ZFAND3: variants seen among roughly 807,000 people sequenced by gnomAD.
The protein encoded by ZFAND3 is zinc finger AN1-type containing 3.
ZFAND3 carries 10 observed loss-of-function variants against 29.6 expected under a neutral mutation model. That is an observed-to-expected ratio of 0.34 (90% CI 0.21 to 0.57). The LOEUF (loss-of-function observed/expected upper bound fraction) is 0.57, where lower values mean the gene tolerates loss of function less well. Ranked by LOEUF, ZFAND3 falls within the 20% of genes least tolerant of loss-of-function variation. ZFAND3 has a pLI of 0.86. For missense variants in ZFAND3, 230 were observed against 304.5 expected (o/e 0.76, Z 1.82); for synonymous variants, 128 against 112.6 (o/e 1.14, Z -0.87).
At chr6:37,967,805 A>G (rs534953217) in intron 2 of ZFAND3, among the ~76,000 whole-genome samples, 6 of 152,036 alleles carry the variant, frequency 3.9e-5, no homozygotes, top group South Asian at 2.1e-4. Context: ...TCTCCCCTTC[A>G]TGGATGTCCT....
intron 2 of ZFAND3, among the ~76,000 whole-genome samples, chr6:37,983,581 A>G (rs1762616076): frequency 6.7e-6 from 1 of 150,210 alleles, no homozygotes. Context: ...CTGGTCTTGA[A>G]CTCCCGACCT....
intron 1 of ZFAND3, among the ~76,000 whole-genome samples, chr6:37,869,298 G>A (rs1330416681): frequency 6.6e-6 from 1 of 152,006 alleles, no homozygotes; most frequent in Non-Finnish European, 1.5e-5. Context: ...CGAGTAGCTG[G>A]GATTACAGGC....
intron 2 of ZFAND3, among the ~76,000 whole-genome samples, chr6:37,960,774 C>T (rs909507220): frequency 1.3e-5 from 2 of 152,094 alleles, no homozygotes; most frequent in African/African-American, 2.4e-5. Context: ...CCACTCCTTT[C>T]CCTACCCCTT....
At chr6:38,047,158 A>G (rs142744839) in intron 2 of ZFAND3, among the ~76,000 whole-genome samples, 10,143 of 152,048 alleles carry the variant, frequency 0.067, 408 homozygotes, top group Non-Finnish European at 0.087. Flanking sequence ...TTCTACTAAA[A>G]ATACGAAAAT....
At chr6:38,108,015 T>A (rs1207496275) in intron 4 of ZFAND3, among the ~76,000 whole-genome samples, 1 of 151,978 alleles carries the variant, frequency 6.6e-6, no homozygotes, top group African/African-American at 2.4e-5. Context: ...GATTTAGACA[T>A]AAGAGCCAAA....
chr6:37,954,040 C>T (rs1011771989), intron 2 of ZFAND3, among the ~76,000 whole-genome samples: 1 of 152,086 alleles, frequency 6.6e-6, no homozygotes, highest in Non-Finnish European at 1.5e-5. Context: ...TTTAAAGATA[C>T]TGCTCCACTG....
intron 5 of ZFAND3, among the ~76,000 whole-genome samples, chr6:38,118,024 A>G (rs1765455246): frequency 6.6e-6 from 1 of 152,210 alleles, no homozygotes; most frequent in African/African-American, 2.4e-5. Flanking sequence ...CAGCATGGGG[A>G]GTCTAAATGT....
chr6:38,134,160 G>T (rs751598742), intron 5 of ZFAND3, among the ~76,000 whole-genome samples: 1 of 152,276 alleles, frequency 6.6e-6, no homozygotes, highest in Admixed American at 6.5e-5. Flanking sequence ...CGGGTCCACA[G>T]CATGGTCACC....
Position 37,989,603 on chromosome 6 carries a change from A to G in ZFAND3, c.112+59604A>G, listed in dbSNP as rs118102304. Among the ~76,000 whole-genome samples, 1,341 of 152,144 alleles carry G rather than the reference A, an allele frequency of 8.8e-3. 67 individuals are homozygous for G. The highest frequency in any genetic ancestry group is 0.072 in the Admixed American group (1,093 of 15,274). ...GCTTTAACATACGAATTTTGGGGGG[A>G]CACAAACATTCAGTCCGTAGCAATA... On this transcript the variant is annotated intron_variant, in intron 2 of 5. Coordinates refer to ENST00000287218, the MANE Select transcript of ZFAND3 (RefSeq NM_021943.3).
rs930403133 is a variant in ZFAND3, at chr6:38,018,970, CTT to C, written c.113-42614_113-42613del. 3.1e-3 allele frequency among the ~76,000 whole-genome samples: 464 copies of C among 150,170 alleles called. 2 individuals carry two copies. Among genetic ancestry groups the C allele is most frequent in the African/African-American group, 0.011 (441 of 40,912 alleles). On this transcript the variant is annotated intron_variant, in intron 2 of 5. Coordinates refer to ENST00000287218, the MANE Select transcript of ZFAND3 (RefSeq NM_021943.3). ...TTTTTATTTTTGCCAATCTGATAGA[CTT>C]TTTTTTTTGGGACAGAGTGTCACTC...
chr6:38,027,685 T>C (rs1456915195), intron 2 of ZFAND3, among the ~76,000 whole-genome samples: 5 of 152,194 alleles, frequency 3.3e-5, no homozygotes, highest in African/African-American at 9.6e-5. Flanking sequence ...CCTCGGTAGG[T>C]ATAAAATATT....
intron 2 of ZFAND3, chr6:38,003,677 T>G (rs778019198): frequency 5.9e-6 from 2 of 336,624 alleles, no homozygotes; most frequent in South Asian, 4.4e-5. Flanking sequence ...TTTTGTGTTT[T>G]TTTTTTTTTG....
At chr6:37,902,737 C>CTTTTTTTTTTTTTTTTTTTTTTTTT (rs11448512) in intron 1 of ZFAND3, among the ~76,000 whole-genome samples, 1 of 100,450 alleles carries the variant, frequency 1.0e-5, no homozygotes, top group African/African-American at 4.0e-5. Context: ...CTTTTACTTA[C>CTTTTTTTTTTTTTTTTTTTTTTTTT]TTTTTTTTTT....
chr6:38,133,435 T>C lies in ZFAND3; in HGVS notation c.529+16696T>C, dbSNP rs546664584. On this transcript the variant is annotated intron_variant, in intron 5 of 5. Coordinates refer to ENST00000287218, the MANE Select transcript of ZFAND3 (RefSeq NM_021943.3). Reference sequence around the variant, plus strand: ...ATCCTGGGTACCTGTACTTGAGTTATATCATTTGACTCTTAAGAGCATTGT... The same window carrying C: ...ATCCTGGGTACCTGTACTTGAGTTACATCATTTGACTCTTAAGAGCATTGT... Among the ~76,000 whole-genome samples, 27 of 152,292 alleles carry C rather than the reference T, an allele frequency of 1.8e-4. No individual in the cohort carries two copies. The East Asian group carries it at 5.0e-3, about 28-fold the overall frequency.
At chr6:38,041,704 T>C (rs1201229231) in intron 2 of ZFAND3, among the ~76,000 whole-genome samples, 29 of 440 alleles carry the variant, frequency 0.066, 2 homozygotes, top group African/African-American at 0.072. Context: ...CTTCTCCTCC[T>C]CCTCCTCCTC....
At chr6:37,842,201 G>A (rs2127374580) in intron 1 of ZFAND3, among the ~76,000 whole-genome samples, 2 of 152,236 alleles carry the variant, frequency 1.3e-5, no homozygotes, top group South Asian at 4.1e-4. Flanking sequence ...GGAGGACACC[G>A]ACATTGAGAC....
At chr6:38,016,922 CCTTA>C (rs1217308147) in intron 2 of ZFAND3, among the ~76,000 whole-genome samples, 1 of 152,168 alleles carries the variant, frequency 6.6e-6, no homozygotes, top group African/African-American at 2.4e-5. Context: ...GAAAACTCTT[CCTTA>C]CTATGTGTCA....
At chr6:38,144,184 A>ATATATATATATATATAT (rs66561715) in intron 5 of ZFAND3, among the ~76,000 whole-genome samples, 1 of 42,556 alleles carries the variant, frequency 2.3e-5, no homozygotes, top group Non-Finnish European at 4.9e-5. Context: ...ATATATATAT[A>ATATATATATATATATAT]ATATATATAT....
chr6:37,955,169 G>GTGCA (rs1762065943), intron 2 of ZFAND3, among the ~76,000 whole-genome samples: 1 of 135,786 alleles, frequency 7.4e-6, no homozygotes, highest in Non-Finnish European at 1.7e-5. Flanking sequence ...GTGTGTGTGT[G>GTGCA]TGTCTCTAAG....
Sources: gnomAD v4.1 joint callset for allele counts (sites outside exome capture counted in the v4.1 genomes callset) on GRCh38, gnomAD v4.1.1 for gene constraint, MANE v1.5 for transcripts, NCBI Gene and HGNC (gene_info 2026-07-23, HGNC 2026-07-21) for gene names.